The following PPP1R12A variants were observed in gnomAD, a reference collection of about 807,000 sequenced individuals.
PPP1R12A encodes the protein myosin binding subunit.
Under a neutral mutation model 139.6 loss-of-function variants are expected in PPP1R12A, and 19 were observed. The observed-to-expected ratio is 0.14, with a 90% CI of 0.09 to 0.20. PPP1R12A has a LOEUF of 0.20. Among genes scored for constraint, PPP1R12A ranks in the 10% least tolerant of loss-of-function variants. The pLI, the probability that PPP1R12A is intolerant of heterozygous loss-of-function variation, is 1.00. For missense variants in PPP1R12A, 925 were observed against 1,211.5 expected (o/e 0.76, Z 3.51); for synonymous variants, 427 against 420.6 (o/e 1.02, Z -0.19).
chr12:79,831,365 T>C (rs1352452045), intron 4 of PPP1R12A, among the ~76,000 whole-genome samples: 2 of 152,238 alleles, frequency 1.3e-5, no homozygotes, highest in Non-Finnish European at 2.9e-5. Context: ...GGCAGATCAC[T>C]TGAGCCCAGG....
chr12:79,890,730 G>A (rs1884503603), intron 1 of PPP1R12A, among the ~76,000 whole-genome samples: 1 of 151,900 alleles, frequency 6.6e-6, no homozygotes, highest in Non-Finnish European at 1.5e-5. Flanking sequence ...GCTCAAAACC[G>A]TTTTAAAAGA....
rs1236026025 is a variant in PPP1R12A, at chr12:79,812,741, TA to T, written c.1240-2732del. On this transcript the variant is annotated intron_variant, in intron 9 of 24. Coordinates refer to ENST00000450142, the MANE Select transcript of PPP1R12A (RefSeq NM_002480.3). ...CTGAAAACTTGAAACTCAGTATGTC[TA>T]AAATAAAACACCTTTACTTCCAAAC... Among the ~76,000 whole-genome samples, 11 of 152,244 alleles carry T rather than the reference TA, an allele frequency of 7.2e-5. No individual in the cohort carries two copies. The East Asian group carries it at 2.1e-3, about 29-fold the overall frequency.
chr12:79,852,316 G>A (rs937367311), intron 2 of PPP1R12A, among the ~76,000 whole-genome samples: 3 of 151,126 alleles, frequency 2.0e-5, no homozygotes, highest in African/African-American at 2.4e-5. Flanking sequence ...TAAGCCTCCC[G>A]AGTAGCTGGC....
intron 1 of PPP1R12A, among the ~76,000 whole-genome samples, chr12:79,905,978 A>G (rs1886073636): frequency 6.6e-6 from 1 of 152,220 alleles, no homozygotes; most frequent in Non-Finnish European, 1.5e-5. Flanking sequence ...GGTTTAATAC[A>G]TTCCTTCATT....
intron 22 of PPP1R12A, 31 bp downstream of exon 22, chr12:79,786,343 T>C (rs1415692110): frequency 7.5e-7 from 1 of 1,339,986 alleles, no homozygotes; most frequent in African/African-American, 1.5e-5. Flanking sequence ...AACCATTACC[T>C]TGAGAGTAAC....
chr12:79,823,898 A>G (rs1397599044), intron 5 of PPP1R12A: 3 of 152,280 alleles, frequency 2.0e-5, no homozygotes, highest in East Asian at 1.9e-4. Context: ...CCTATGAAGA[A>G]TATCTTCAAA....
At chr12:79,820,187 C>CAAAA (rs1323155783) in intron 8 of PPP1R12A, among the ~76,000 whole-genome samples, 1 of 151,554 alleles carries the variant, frequency 6.6e-6, no homozygotes, top group Non-Finnish European at 1.5e-5. Context: ...GGTGGGTGAC[C>CAAAA]AAAAAAGACA....
At chr12:79,932,087 A>G (rs1248428434) in intron 1 of PPP1R12A, among the ~76,000 whole-genome samples, 1 of 152,212 alleles carries the variant, frequency 6.6e-6, no homozygotes, top group Non-Finnish European at 1.5e-5. Flanking sequence ...GATCAAAACC[A>G]GAAAGTAAAT....
chr12:79,886,905 A>G (rs1239119115), intron 1 of PPP1R12A, among the ~76,000 whole-genome samples: 1 of 152,180 alleles, frequency 6.6e-6, no homozygotes, highest in African/African-American at 2.4e-5. Context: ...ATAAAGTAGT[A>G]CATTGAACCT....
In PPP1R12A at chr12:79,828,478, A is replaced by G. The variant is rs772568555; in HGVS notation, c.648-14T>C. On this transcript the variant is annotated splice_polypyrimidine_tract_variant and intron_variant, in intron 4 of 24. Transcript: ENST00000450142. ...TGTATTAAAAGTCTAAAGAAATTAC[A>G]GTGAATTAGACAATCATTAAAATCT... 15 of 1,564,822 alleles carry G rather than the reference A, an allele frequency of 9.6e-6. No individual in the cohort carries two copies. The East Asian group carries it at 3.4e-4, about 35-fold the overall frequency.
chr12:79,896,385 G>A (rs1885133953), intron 1 of PPP1R12A, among the ~76,000 whole-genome samples: 1 of 152,082 alleles, frequency 6.6e-6, no homozygotes, highest in African/African-American at 2.4e-5. Flanking sequence ...CCAGGCTGGA[G>A]TGCAGTGGCT....
chr12:79,870,009 T>C lies in PPP1R12A; in HGVS notation c.368+2799A>G, dbSNP rs564231428. 2.0e-5 allele frequency among the ~76,000 whole-genome samples: 3 copies of C among 152,002 alleles called. No individual in the cohort carries two copies. The East Asian group carries it at 5.8e-4, about 29-fold the overall frequency. On this transcript the variant is annotated intron_variant, in intron 2 of 24. Transcript: ENST00000450142. ...CACCCTATCAATTAGGCCACCAGAC[T>C]ATTATTTTTCTATACCCAAGAAAAC... is the stretch of plus-strand genomic sequence containing the variant.
chr12:79,799,422 T>C (rs1872839924), intron 14 of PPP1R12A, among the ~76,000 whole-genome samples: 1 of 152,192 alleles, frequency 6.6e-6, no homozygotes, highest in Middle Eastern at 3.2e-3. Context: ...GGTGTTGGGA[T>C]TAAAGGCGTG....
intron 14 of PPP1R12A, among the ~76,000 whole-genome samples, chr12:79,799,279 GCTGGGACTAC>G (rs1221457767): frequency 2.6e-5 from 4 of 152,188 alleles, no homozygotes; most frequent in African/African-American, 4.8e-5. Flanking sequence ...CTCCTGAGTA[GCTGGGACTAC>G]CTGCACATAC....
intron 2 of PPP1R12A, among the ~76,000 whole-genome samples, chr12:79,856,117 C>A (rs370099975): frequency 6.6e-6 from 1 of 152,140 alleles, no homozygotes; most frequent in Non-Finnish European, 1.5e-5. Context: ...TCTTGCCCAA[C>A]CTCTCTAATT....
chr12:79,841,828 TA>T (rs1211615495), intron 3 of PPP1R12A, among the ~76,000 whole-genome samples: 7 of 152,222 alleles, frequency 4.6e-5, no homozygotes, highest in African/African-American at 1.7e-4. Context: ...CCTATGACTC[TA>T]AAACACTTGT....
chr12:79,796,860 T>G lies in PPP1R12A; in HGVS notation c.2383A>C (p.Ser795Arg), dbSNP rs754619375. 1 of 1,611,706 alleles carries G rather than the reference T, an allele frequency of 6.2e-7. No individual in the cohort carries two copies. Among genetic ancestry groups the G allele is most frequent in the African/African-American group, 1.3e-5 (1 of 74,954 alleles). Reference protein sequence around the residue: ...STMSSSLYASSQLNRPNSLVG... With the variant: ...STMSSSLYASRQLNRPNSLVG... Reference sequence around the variant, plus strand: ...AGACTATTTGGCCTGTTTAGTTGACTTGAAGCATACAGTGAACTGCTCATA... The same window carrying G: ...AGACTATTTGGCCTGTTTAGTTGACGTGAAGCATACAGTGAACTGCTCATA... The change falls in exon 17 of 25, where the codon AGT becomes CGT. Residue 795 changes from serine (S) to arginine (R), a missense_variant. By Grantham distance (110) the Ser-to-Arg change is moderately radical (BLOSUM62 -1). Coordinates refer to ENST00000450142, the MANE Select transcript of PPP1R12A (RefSeq NM_002480.3).
In PPP1R12A at chr12:79,845,341, C is replaced by A. The variant is rs759698747; in HGVS notation, c.448G>T (p.Ala150Ser). Residue 150 changes from alanine to serine, a missense_variant, in exon 3 of 25, where the codon GCA becomes TCA. By Grantham distance (99) the Ala-to-Ser change is moderately conservative. Coordinates refer to ENST00000450142, the MANE Select transcript of PPP1R12A (RefSeq NM_002480.3). ...DTPLDIAEEE[A>S]MEELLQNEVN... is the part of the protein sequence containing the mutation. ...TCATTTTGAAGTAGCTCTTCCATTG[C>A]CTCCTCCTCCGCAATATCTAAAGGT... 6.2e-7 allele frequency: 1 copy of A among 1,613,314 alleles called. No homozygotes were observed. The highest frequency in any genetic ancestry group is 1.1e-5 in the South Asian group (1 of 91,026).
At chr12:79,803,859 T>G (rs889795127) in intron 14 of PPP1R12A, among the ~76,000 whole-genome samples, 1 of 152,072 alleles carries the variant, frequency 6.6e-6, no homozygotes, top group African/African-American at 2.4e-5. Flanking sequence ...TAAAACTAAT[T>G]AGGACTAATT....
Sources: gnomAD v4.1 joint callset for allele counts (sites outside exome capture counted in the v4.1 genomes callset) on GRCh38, gnomAD v4.1.1 for gene constraint, MANE v1.5 for transcripts, NCBI Gene and HGNC (gene_info 2026-07-23, HGNC 2026-07-21) for gene names.